ABCA5: variants seen among roughly 807,000 people sequenced by gnomAD.
ABCA5 encodes ATP binding cassette subfamily A member 5, also known as cholesterol transporter ABCA5.
Under a neutral mutation model 206.0 loss-of-function variants are expected in ABCA5, and 163 were observed. The ratio of observed to expected loss-of-function variants is 0.79; its 90% CI spans 0.70 to 0.90. ABCA5 has a LOEUF of 0.90. Ranked by LOEUF, ABCA5 falls within the 40% of genes least tolerant of loss-of-function variation. The pLI is 0.00. For synonymous variants in ABCA5, 609 were observed against 613.8 expected, an observed-to-expected ratio of 0.99 and a Z score of 0.11; for missense variants, 1,859 against 1,912.9, an observed-to-expected ratio of 0.97 and a Z score of 0.53.
chr17:69,283,866 A>T (rs980105742), intron 18 of ABCA5, 87 bp downstream of exon 18: 70 of 1,337,686 alleles, frequency 5.2e-5, no homozygotes, highest in African/African-American at 4.0e-4. Flanking sequence ...TTCTAAAAAA[A>T]ATATAAAATT....
In ABCA5 at chr17:69,326,791, A is replaced by G. The variant is rs985714180; in HGVS notation, c.-16+261T>C. 1.3e-5 allele frequency among the ~76,000 whole-genome samples: 2 copies of G among 151,836 alleles called. No homozygotes were observed. The highest frequency in any genetic ancestry group is 4.8e-5 in the African/African-American group (2 of 41,306). On this transcript the variant is annotated intron_variant, in intron 1 of 38. Coordinates refer to ENST00000392676, the MANE Select transcript of ABCA5 (RefSeq NM_172232.4). This position sits in a 1 kb window ranked among gnomAD's most constrained non-coding sequence, Gnocchi z 4.8. ...CCCGCCGCAGGGCCCCGACCCCCTC[A>G]CGTCCGCATCCTGGGCGCTCCCACC... is the stretch of plus-strand genomic sequence containing the variant.
chr17:69,324,203 T>C (rs750079886), intron 1 of ABCA5, among the ~76,000 whole-genome samples: 4 of 152,086 alleles, frequency 2.6e-5, no homozygotes, highest in Admixed American at 6.5e-5. Context: ...GCAAAAAAAA[T>C]AAAGTTAGAC....
At chr17:69,316,806 CAA>C (rs1285141741) in intron 1 of ABCA5, 1 of 152,148 alleles carries the variant, frequency 6.6e-6, no homozygotes, top group African/African-American at 2.4e-5. Flanking sequence ...CAGAGAGTAA[CAA>C]TTTGAATGAG....
chr17:69,299,465 C>CAT, intron 9 of ABCA5, among the ~76,000 whole-genome samples: 1 of 128,346 alleles, frequency 7.8e-6, no homozygotes, highest in South Asian at 2.9e-4. Context: ...TACACACACA[C>CAT]ACACATACAC....
At chr17:69,247,697 A>C in intron 38 of ABCA5, 53 bp from the exon 39 acceptor site, 1 of 1,045,408 alleles carries the variant, frequency 9.6e-7, no homozygotes, top group Non-Finnish European at 1.4e-6. Flanking sequence ...AGTACCTCAA[A>C]GAACTTTTAA....
At chr17:69,305,693 GA>G (rs1283427579) in intron 6 of ABCA5, among the ~76,000 whole-genome samples, 1 of 152,008 alleles carries the variant, frequency 6.6e-6, no homozygotes, top group African/African-American at 2.4e-5. Flanking sequence ...AACATGGCGA[GA>G]CCCCCGTCCC....
chr17:69,250,007 G>GA (rs754365420), intron 36 of ABCA5, 23 bp from the exon 37 acceptor site: 3 of 1,397,718 alleles, frequency 2.1e-6, no homozygotes, highest in South Asian at 1.7e-5. Flanking sequence ...ATAAAATATG[G>GA]AAAAAAATTA....
intron 28 of ABCA5, among the ~76,000 whole-genome samples, chr17:69,258,982 T>C (rs760510840): frequency 1.3e-4 from 19 of 151,822 alleles, no homozygotes; most frequent in Non-Finnish European, 2.1e-4. Flanking sequence ...GTGGAGAAAA[T>C]AGAACCCTAA....
In ABCA5 at chr17:69,322,108, A is replaced by G. The variant is rs576290832; in HGVS notation, c.-16+4944T>C. On this transcript the variant is annotated intron_variant, in intron 1 of 38. Transcript: ENST00000392676. ...TTACTACGGCCAGGCACAGTGGTTC[A>G]CGCCTGTAATCCCAGCACTTTGGGA... Among the ~76,000 whole-genome samples the G allele has an allele frequency of 9.2e-5, 14 of 152,264 alleles. No homozygotes were observed. In the East Asian group the frequency reaches 2.5e-3, roughly 27 times the overall value.
chr17:69,282,882 AT>A, intron 18 of ABCA5, among the ~76,000 whole-genome samples: 1 of 151,916 alleles, frequency 6.6e-6, no homozygotes, highest in Admixed American at 6.6e-5. Flanking sequence ...AAGCTTAGGA[AT>A]TATTCTTCAT....
At chr17:69,325,189 G>C (rs949531449) in intron 1 of ABCA5, among the ~76,000 whole-genome samples, 1 of 151,058 alleles carries the variant, frequency 6.6e-6, no homozygotes. Flanking sequence ...CACAACTGTG[G>C]TCCCAGCTAC....
chr17:69,256,119 T>C, intron 29 of ABCA5, 38 bp downstream of exon 29: 1 of 1,518,420 alleles, frequency 6.6e-7, no homozygotes, highest in Non-Finnish European at 8.8e-7. Context: ...ATTGATCATT[T>C]CATATTTACT....
chr17:69,271,558 T>C (rs1367181432), intron 20 of ABCA5, among the ~76,000 whole-genome samples: 1 of 152,114 alleles, frequency 6.6e-6, no homozygotes, highest in Non-Finnish European at 1.5e-5. Context: ...GCCTTATAGG[T>C]AGAGTGATCA....
chr17:69,267,865 C>A (rs1055771482), intron 23 of ABCA5, 78 bp downstream of exon 23: 2 of 693,150 alleles, frequency 2.9e-6, no homozygotes, highest in African/African-American at 1.8e-5. Context: ...TTATACTAAG[C>A]CTTGCAATCA....
rs1366889102 is a variant in ABCA5, at chr17:69,251,753, T to C, written c.4529A>G (p.Gln1510Arg). ...ACGCTATTTAGACATCAACCTTAAC[T>C]GCCCAGACACCATGATAGCTACTCG... ...CDRVAIMVSG[Q>R]LRCIGTVQHL... Residue 1510 changes from glutamine (Q) to arginine (R), a missense_variant, in exon 35 of 39, where the codon CAG becomes CGG. Gln to Arg is a conservative substitution (Grantham distance 43). Coordinates refer to ENST00000392676, the MANE Select transcript of ABCA5 (RefSeq NM_172232.4). The C allele has an allele frequency of 5.0e-6, 8 of 1,612,800 alleles. No individual in the cohort carries two copies. The highest frequency in any genetic ancestry group is 3.4e-5 in the Admixed American group (2 of 59,592).
rs997132740 is a variant in ABCA5, at chr17:69,265,191, T to C, written c.3145-286A>G. Among the ~76,000 whole-genome samples, 36 of 152,058 alleles carry C rather than the reference T, an allele frequency of 2.4e-4. 1 individual carries two copies. On this transcript the variant is annotated intron_variant, in intron 23 of 38. Transcript: ENST00000392676. The stretch of plus-strand genomic sequence containing the variant: ...GATTAAAATAAAGCAAAAGGTGTCA[T>C]GGCGGTTGGGGTTACAGCTATACAA...
Position 69,253,551 on chromosome 17 carries a change from G to A in ABCA5, c.4415+22C>T, listed in dbSNP as rs750288164. On this transcript the variant is annotated intron_variant, in intron 34 of 38. Transcript: ENST00000392676. The stretch of plus-strand genomic sequence containing the variant: ...GTTCTATTCTAAAGTATCATGTACT[G>A]TGTCACAAGTACCATACTCACCACA... The A allele has an allele frequency of 2.0e-6, 3 of 1,497,010 alleles. No individual in the cohort carries two copies. The South Asian group carries it at 3.4e-5, about 17-fold the overall frequency. 92.7% of individuals were successfully genotyped at this position (1,497,010 alleles called of 1,614,324 possible). A position where few individuals can be genotyped will look rare whatever the true frequency, so the allele number is the denominator to read the frequency against.
At chr17:69,302,512 A>G (rs566858115) in intron 8 of ABCA5, among the ~76,000 whole-genome samples, 1 of 152,350 alleles carries the variant, frequency 6.6e-6, no homozygotes, top group African/African-American at 2.4e-5. Context: ...AAAAATTTAT[A>G]AACAGAACAT....
chr17:69,264,848 C>A lies in ABCA5; in HGVS notation c.3202G>T (p.Gly1068Ter). 2 of 1,593,858 alleles carry A rather than the reference C, an allele frequency of 1.3e-6. No individual in the cohort carries two copies. The highest frequency in any genetic ancestry group is 2.3e-5 in the South Asian group (2 of 86,194). The change falls in exon 24 of 39, where the codon GGA (glycine) becomes TGA (stop). Residue 1068 changes from glycine to a stop codon, truncating the protein, a stop_gained. Transcript: ENST00000392676. LOFTEE classifies it high-confidence loss of function. Reference protein sequence around the residue: ...SGLLPSAYWIGQAVVDIPLFF... With the variant: ...SGLLPSAYWI ...AAGGGGATATCAACAACAGCTTGTC[C>A]AATCCAATATGCAGATGGCAAAAGA...
Sources: allele counts gnomAD v4.1 joint callset (sites outside exome capture counted in the v4.1 genomes callset), GRCh38; gene constraint gnomAD v4.1.1; non-coding constraint Gnocchi (gnomAD v3.1); transcripts MANE v1.5; gene names NCBI Gene and HGNC (gene_info 2026-07-23, HGNC 2026-07-21).